RBFOX1: variants seen among roughly 807,000 people sequenced by gnomAD.
RBFOX1 encodes RNA binding fox-1 homolog 1, also known as RNA binding protein fox-1 homolog 1.
Under a neutral mutation model 57.7 loss-of-function variants are expected in RBFOX1, and 8 were observed. That is an observed-to-expected ratio of 0.14 (90% CI 0.08 to 0.25). RBFOX1 has a LOEUF of 0.25. Among genes scored for constraint, RBFOX1 ranks in the 10% least tolerant of loss-of-function variants. RBFOX1 has a pLI of 1.00. For missense variants in RBFOX1, 611 were observed against 548.5 expected (o/e 1.11, Z -1.14); for synonymous variants, 326 against 222.4 (o/e 1.47, Z -4.15).
rs565039556 is a variant in RBFOX1, at chr16:7,201,844, C to T, written c.27+149746C>T. Among the ~76,000 whole-genome samples, 5 of 152,256 alleles carry T rather than the reference C, an allele frequency of 3.3e-5. No homozygotes were observed. The East Asian group carries it at 5.8e-4, about 18-fold the overall frequency. On this transcript the variant is annotated intron_variant, in intron 4 of 15. Transcript: ENST00000550418. ...CGTGAAGTTAGGAAGCTCATTTGGG[C>T]AGTGACTGTAGACTGTAGATCAGAG...
intron 3 of RBFOX1, among the ~76,000 whole-genome samples, chr16:6,896,660 C>T (rs899762870): frequency 1.1e-4 from 16 of 152,164 alleles, no homozygotes; most frequent in African/African-American, 3.9e-4. Context: ...AGTGCTTGGG[C>T]ATCATCAACG....
chr16:7,015,438 G>A (rs532326562), intron 3 of RBFOX1, among the ~76,000 whole-genome samples: 2 of 152,282 alleles, frequency 1.3e-5, no homozygotes, highest in South Asian at 4.1e-4. Context: ...GAATCTTCTG[G>A]AGTATAAGGC....
At chr16:5,803,402 A>T (rs1326393998) in intron 3 of RBFOX1, among the ~76,000 whole-genome samples, 5 of 152,190 alleles carry the variant, frequency 3.3e-5, no homozygotes, top group Non-Finnish European at 7.3e-5. Context: ...GTGGATTCTG[A>T]TCCCAGTTCC....
At chr16:7,543,439 T>C (rs1044819483) in intron 5 of RBFOX1, among the ~76,000 whole-genome samples, 1 of 152,328 alleles carries the variant, frequency 6.6e-6, no homozygotes, top group African/African-American at 2.4e-5. Context: ...GGGTGGGTTC[T>C]AGGCACCTGT....
At chr16:7,518,064 C>T (rs1429677906) in intron 4 of RBFOX1, 83 bp from the exon 5 acceptor site, 4 of 1,503,300 alleles carry the variant, frequency 2.7e-6, no homozygotes, top group African/African-American at 2.8e-5. Flanking sequence ...GGGGCACGAT[C>T]GTCCTGGGAT....
intron 4 of RBFOX1, among the ~76,000 whole-genome samples, chr16:6,006,375 GAAA>G (rs35574832): frequency 6.8e-6 from 1 of 147,054 alleles, no homozygotes; most frequent in Non-Finnish European, 1.5e-5. Context: ...CTACTGTAGG[GAAA>G]AAAAAAAAAG....
intron 3 of RBFOX1, among the ~76,000 whole-genome samples, chr16:6,683,413 G>A (rs77939978): frequency 0.033 from 4,984 of 152,132 alleles, 258 homozygotes; most frequent in African/African-American, 0.11. Context: ...GGAGATGCAT[G>A]CTAATGTATT....
At chr16:6,554,249 G>T (rs963178668) in intron 2 of RBFOX1, among the ~76,000 whole-genome samples, 10 of 152,124 alleles carry the variant, frequency 6.6e-5, no homozygotes, top group African/African-American at 2.4e-4. Context: ...AAGAAGCTGG[G>T]CAGGAAGGCA....
At chr16:5,796,736 C>T (rs530792381) in intron 3 of RBFOX1, among the ~76,000 whole-genome samples, 4 of 152,334 alleles carry the variant, frequency 2.6e-5, no homozygotes, top group African/African-American at 9.6e-5. Context: ...TGCCTGTGGT[C>T]ATCCAGCTAG....
intron 4 of RBFOX1, among the ~76,000 whole-genome samples, chr16:7,514,939 C>A (rs539392112): frequency 6.6e-6 from 1 of 152,168 alleles, no homozygotes; most frequent in Admixed American, 6.5e-5. Context: ...AGGAGGGAAA[C>A]CTTTGTCTTC....
intron 4 of RBFOX1, among the ~76,000 whole-genome samples, chr16:7,368,178 G>C (rs1250522894): frequency 1.3e-5 from 2 of 150,548 alleles, no homozygotes; most frequent in Admixed American, 1.3e-4. Context: ...GAGGCAGGAG[G>C]ATCGCTTGAA....
chr16:6,675,835 C>A (rs973937313), intron 3 of RBFOX1, among the ~76,000 whole-genome samples: 4 of 152,082 alleles, frequency 2.6e-5, no homozygotes, highest in African/African-American at 7.2e-5. Context: ...GCCCCTCCCA[C>A]AACAAATGGG....
chr16:7,264,799 A>G (rs2095063691), intron 4 of RBFOX1, among the ~76,000 whole-genome samples: 2 of 152,206 alleles, frequency 1.3e-5, no homozygotes, highest in Non-Finnish European at 2.9e-5. Flanking sequence ...GTCATTTGCC[A>G]GCCCTGGTCC....
chr16:5,878,278 A>G (rs1262956423), intron 4 of RBFOX1, among the ~76,000 whole-genome samples: 2 of 152,212 alleles, frequency 1.3e-5, no homozygotes, highest in Non-Finnish European at 2.9e-5. Context: ...AACAGCCAGC[A>G]GTTATTAATG....
intron 3 of RBFOX1, among the ~76,000 whole-genome samples, chr16:5,646,164 G>A (rs1180039754): frequency 6.7e-6 from 1 of 150,092 alleles, no homozygotes; most frequent in Non-Finnish European, 1.5e-5. Flanking sequence ...CAAGTCGCTG[G>A]GATTACAGGC....
At chr16:6,230,881 T>G (rs1223550405) in intron 1 of RBFOX1, among the ~76,000 whole-genome samples, 1 of 152,162 alleles carries the variant, frequency 6.6e-6, no homozygotes, top group Non-Finnish European at 1.5e-5. Flanking sequence ...ACTCACTGAC[T>G]GTATCGTGTG....
chr16:6,204,958 T>A (rs1224778007), intron 1 of RBFOX1, among the ~76,000 whole-genome samples: 1 of 152,228 alleles, frequency 6.6e-6, no homozygotes, highest in East Asian at 1.9e-4. Context: ...AACTCTGCAG[T>A]AGCACAATAT....
intron 10 of RBFOX1, among the ~76,000 whole-genome samples, chr16:7,628,921 G>C (rs2060495668): frequency 6.6e-6 from 1 of 152,140 alleles, no homozygotes; most frequent in Non-Finnish European, 1.5e-5. Flanking sequence ...CCGATAAACT[G>C]TTTTTAAATG....
intron 3 of RBFOX1, among the ~76,000 whole-genome samples, chr16:5,752,955 C>T (rs1452018431): frequency 6.6e-6 from 1 of 151,990 alleles, no homozygotes; most frequent in Non-Finnish European, 1.5e-5. Flanking sequence ...TCAAGACCAG[C>T]CTGCTCTTGA....
Sources: gnomAD v4.1 joint callset for allele counts (sites outside exome capture counted in the v4.1 genomes callset) on GRCh38, gnomAD v4.1.1 for gene constraint, MANE v1.5 for transcripts, NCBI Gene and HGNC (gene_info 2026-07-23, HGNC 2026-07-21) for gene names.